The following EPHA6 variants were observed in gnomAD, a reference collection of about 807,000 sequenced individuals.
EPHA6 encodes the protein EPH receptor A6, also known as ephrin type-A receptor 6.
EPHA6 carries 50 observed loss-of-function variants against 112.0 expected under a neutral mutation model. The observed-to-expected ratio is 0.45, with a 90% CI of 0.36 to 0.56. The LOEUF (loss-of-function observed/expected upper bound fraction) is 0.56, where lower values mean the gene tolerates loss of function less well. Ranked by LOEUF, EPHA6 falls within the 20% of genes least tolerant of loss-of-function variation. EPHA6 has a pLI of 0.00. For missense variants in EPHA6, 1,280 were observed against 1,417.4 expected, an observed-to-expected ratio of 0.90 and a Z score of 1.56; for synonymous variants, 529 against 490.7, an observed-to-expected ratio of 1.08 and a Z score of -1.03.
At chr3:97,582,574 A>C (rs930008825) in intron 11 of EPHA6, among the ~76,000 whole-genome samples, 5 of 152,190 alleles carry the variant, frequency 3.3e-5, no homozygotes, top group Admixed American at 6.5e-5. Context: ...ACCATTGCAT[A>C]CATGTCATAC....
chr3:97,023,316 T>C (rs2044526333), intron 3 of EPHA6, among the ~76,000 whole-genome samples: 2 of 152,260 alleles, frequency 1.3e-5, no homozygotes, highest in Admixed American at 1.3e-4. Flanking sequence ...CCTGACCTCA[T>C]GATCTGCCTG....
intron 11 of EPHA6, among the ~76,000 whole-genome samples, chr3:97,570,379 A>G (rs1018454287): frequency 1.3e-5 from 2 of 152,146 alleles, no homozygotes; most frequent in African/African-American, 2.4e-5. Flanking sequence ...GGTGGATAAC[A>G]CCTCAATCTG....
chr3:97,475,464 A>G lies in EPHA6; in HGVS notation c.2003+4A>G. The G allele has an allele frequency of 1.3e-6, 2 of 1,573,686 alleles. No individual in the cohort carries two copies. Among genetic ancestry groups the G allele is most frequent in the Non-Finnish European group, 1.7e-6 (2 of 1,145,594 alleles). ...TATTCTTCTTGATCACTGGGAGGTAACTGAAACATACCATACTATTTCCGA... is the reference window on the plus strand; with the variant it reads ...TATTCTTCTTGATCACTGGGAGGTAGCTGAAACATACCATACTATTTCCGA... On this transcript the variant is annotated splice_donor_region_variant and intron_variant, in intron 8 of 17. Coordinates refer to ENST00000389672, the MANE Select transcript of EPHA6 (RefSeq NM_001080448.3).
intron 5 of EPHA6, among the ~76,000 whole-genome samples, chr3:97,378,603 C>CA (rs1031775735): frequency 1.3e-5 from 2 of 152,166 alleles, no homozygotes; most frequent in African/African-American, 4.8e-5. Context: ...TTCAAAGCCA[C>CA]AGGAGCAGAG....
chr3:96,826,855 T>C (rs1398596293), intron 1 of EPHA6, among the ~76,000 whole-genome samples: 1 of 152,066 alleles, frequency 6.6e-6, no homozygotes, highest in Non-Finnish European at 1.5e-5. Flanking sequence ...CGGTAGGCAA[T>C]TGTGAAATAA....
chr3:97,425,466 G>C (rs1396601682), intron 6 of EPHA6, among the ~76,000 whole-genome samples: 3 of 152,234 alleles, frequency 2.0e-5, no homozygotes, highest in African/African-American at 4.8e-5. Flanking sequence ...CTTGTACATT[G>C]GTCCCTTTTA....
chr3:96,842,831 T>C (rs2034831078), intron 1 of EPHA6, among the ~76,000 whole-genome samples: 1 of 152,010 alleles, frequency 6.6e-6, no homozygotes, highest in South Asian at 2.1e-4. Context: ...AGCTCTAAAA[T>C]CTATTAACAC....
At chr3:96,940,420 C>A (rs956344397) in intron 2 of EPHA6, among the ~76,000 whole-genome samples, 1 of 152,084 alleles carries the variant, frequency 6.6e-6, no homozygotes, top group Non-Finnish European at 1.5e-5. Context: ...AGGATTGCAA[C>A]CCCTGCCTTT....
chr3:97,564,535 C>T (rs2093235480), intron 11 of EPHA6, among the ~76,000 whole-genome samples: 1 of 151,964 alleles, frequency 6.6e-6, no homozygotes, highest in African/African-American at 2.4e-5. Context: ...AAAGGGTCAA[C>T]TTTATTAAGG....
At chr3:97,514,547 A>G (rs2092416996) in intron 10 of EPHA6, among the ~76,000 whole-genome samples, 1 of 152,146 alleles carries the variant, frequency 6.6e-6, no homozygotes, top group African/African-American at 2.4e-5. Flanking sequence ...ACAGCTCCAT[A>G]ATGAATTAAG....
intron 13 of EPHA6, among the ~76,000 whole-genome samples, chr3:97,626,126 C>T (rs915129777): frequency 2.0e-5 from 3 of 151,714 alleles, no homozygotes; most frequent in African/African-American, 4.8e-5. Flanking sequence ...AGTTCTACTA[C>T]TGTTTTTTTA....
intron 5 of EPHA6, among the ~76,000 whole-genome samples, chr3:97,375,595 G>A (rs964724319): frequency 6.6e-6 from 1 of 152,120 alleles, no homozygotes; most frequent in Non-Finnish European, 1.5e-5. Context: ...AAAACGGTCA[G>A]TGCATATCCT....
At chr3:97,082,202 T>C (rs2046743396) in intron 3 of EPHA6, among the ~76,000 whole-genome samples, 1 of 151,912 alleles carries the variant, frequency 6.6e-6, no homozygotes, top group Non-Finnish European at 1.5e-5. Flanking sequence ...CTTTTGCAGT[T>C]ATGATTTCAC....
At chr3:97,354,722 C>T (rs1459279738) in intron 5 of EPHA6, among the ~76,000 whole-genome samples, 1 of 151,908 alleles carries the variant, frequency 6.6e-6, no homozygotes, top group Non-Finnish European at 1.5e-5. Flanking sequence ...ACTTTCCAAA[C>T]CTAGAGAAAG....
chr3:97,229,957 G>A (rs2078475746), intron 4 of EPHA6, among the ~76,000 whole-genome samples: 4 of 151,878 alleles, frequency 2.6e-5, no homozygotes, highest in Admixed American at 2.6e-4. Context: ...CTCACTTATG[G>A]AAAAAAGTTT....
At chr3:97,179,045 A>T (rs769517539) in intron 3 of EPHA6, among the ~76,000 whole-genome samples, 3 of 151,872 alleles carry the variant, frequency 2.0e-5, no homozygotes, top group African/African-American at 7.3e-5. Context: ...GATGGTCTTC[A>T]TGGTTTGTTA....
At chr3:97,356,048 T>C (rs1436935299) in intron 5 of EPHA6, among the ~76,000 whole-genome samples, 2 of 152,190 alleles carry the variant, frequency 1.3e-5, no homozygotes, top group African/African-American at 4.8e-5. Flanking sequence ...GAGCAAAGCT[T>C]CATCTGTATT....
intron 3 of EPHA6, among the ~76,000 whole-genome samples, chr3:97,111,521 G>C (rs548348866): frequency 6.9e-4 from 105 of 152,102 alleles, no homozygotes; most frequent in Non-Finnish European, 1.1e-3. Flanking sequence ...AACAGCTTCT[G>C]GGTGGGCAGG....
chr3:96,882,730 CTG>C (rs1207060710), intron 2 of EPHA6, among the ~76,000 whole-genome samples: 7,224 of 128,658 alleles, frequency 0.056, 167 homozygotes, highest in African/African-American at 0.085. Context: ...CATTGTGTGT[CTG>C]TGTGTGTGTG....
Sources: allele counts gnomAD v4.1 joint callset (sites outside exome capture counted in the v4.1 genomes callset), GRCh38; gene constraint gnomAD v4.1.1; transcripts MANE v1.5; gene names NCBI Gene and HGNC (gene_info 2026-07-23, HGNC 2026-07-21).